The following FCRL3 variants were observed in gnomAD, a reference collection of about 807,000 sequenced individuals.
FCRL3 encodes Fc receptor-like protein 3.
FCRL3 carries 89 observed loss-of-function variants against 75.0 expected under a neutral mutation model. The ratio of observed to expected loss-of-function variants is 1.19; its 90% CI spans 1.00 to 1.42. The LOEUF is 1.42. Ranked by LOEUF, FCRL3 falls within the 40% of genes most tolerant of loss-of-function variation. FCRL3 has a pLI of 0.00. For missense variants in FCRL3, 946 were observed against 880.0 expected (o/e 1.07, Z -0.95); for synonymous variants, 376 against 348.5 (o/e 1.08, Z -0.88).
At position 157,699,730 on chromosome 1, in the gene FCRL3, A is replaced by G. The variant is rs1656191052; in HGVS notation, c.32-18T>C. 1.2e-6 allele frequency: 2 copies of G among 1,613,056 alleles called. No homozygotes were observed. Among genetic ancestry groups the G allele is most frequent in the Non-Finnish European group, 1.7e-6 (2 of 1,179,576 alleles). On this transcript the variant is annotated intron_variant, in intron 2 of 14. Coordinates refer to ENST00000368184, the MANE Select transcript of FCRL3 (RefSeq NM_052939.4). ...TCCAGGAGCTGTGAGGGAGCAGAAA[A>G]TGACAATCAGACACTCTCCGAAACA...
At position 157,689,809 on chromosome 1, in the gene FCRL3, C is replaced by T. The variant is rs199966528; in HGVS notation, c.1799G>A (p.Arg600Gln). ...ACCTAGACACCCACCTGGTTTCCTT[C>T]GGGCCCTGGCGTAATGCAGCAGAGC... The part of the protein sequence containing the change: ...AAALLHYARA[R>Q]RKPGGLSATG... The change falls in exon 10 of 15, where the codon CGA becomes CAA. Residue 600 changes from arginine (R) to glutamine (Q), a missense_variant. Transcript: ENST00000368184. 25 of 1,614,126 alleles carry T rather than the reference C, an allele frequency of 1.5e-5. No individual in the cohort carries two copies. Among genetic ancestry groups the T allele is most frequent in the Middle Eastern group, 3.3e-4 (2 of 6,062 alleles).
At chr1:157,679,750 A>G (rs1009463151) in intron 13 of FCRL3, among the ~76,000 whole-genome samples, 1 of 139,418 alleles carries the variant, frequency 7.2e-6, no homozygotes, top group Admixed American at 7.9e-5. Context: ...AATCCCTTGA[A>G]CCCAGGAGGC....
At position 157,696,255 on chromosome 1, in the gene FCRL3, A is replaced by G. The variant is rs757375284; in HGVS notation, c.917T>C (p.Val306Ala). ...ACCCTGGGCTACTGAGCAAATAAGG[A>G]CCATATTTTCTCCTTCAATCAGCTG... is the stretch of plus-strand genomic sequence containing the variant. ...GGQLIEGENMVLICSVAQGSG... is the reference protein window; with the variant it reads ...GGQLIEGENMALICSVAQGSG... The change falls in exon 7 of 15, where the codon GTC (valine) becomes GCC (alanine). Residue 306 changes from valine (V) to alanine (A), a missense_variant. Val to Ala is a moderately conservative substitution (Grantham distance 64). Coordinates refer to ENST00000368184, the MANE Select transcript of FCRL3 (RefSeq NM_052939.4). The G allele has an allele frequency of 9.9e-6, 16 of 1,613,946 alleles. No homozygotes were observed. The highest frequency in any genetic ancestry group is 1.3e-5 in the Non-Finnish European group (15 of 1,179,992).
chr1:157,691,198 A>G (rs1164111595), intron 8 of FCRL3, among the ~76,000 whole-genome samples: 1 of 152,240 alleles, frequency 6.6e-6, no homozygotes, highest in Admixed American at 6.5e-5. Context: ...AAACTGTCAA[A>G]AAAAATCCAG....
Position 157,690,715 on chromosome 1 carries a change from T to G in FCRL3, c.1412-182A>C, listed in dbSNP as rs1024766474. On this transcript the variant is annotated intron_variant, in intron 8 of 14. Coordinates refer to ENST00000368184, the MANE Select transcript of FCRL3 (RefSeq NM_052939.4). ...TAAGCTTGATTTTTTAAGAACTTTT[T>G]AATTTCTCTAAGTCTTAGTTTATTC... 2.6e-5 allele frequency among the ~76,000 whole-genome samples: 4 copies of G among 152,218 alleles called. No individual in the cohort carries two copies. In the East Asian group the frequency reaches 7.7e-4, roughly 29 times the overall value.
At chr1:157,679,830 C>CAAAAAAAAAAATAAAAA (rs1654718138) in intron 13 of FCRL3, among the ~76,000 whole-genome samples, 1 of 49,904 alleles carries the variant, frequency 2.0e-5, no homozygotes, top group African/African-American at 9.1e-5. Context: ...CCCCATCTCA[C>CAAAAAAAAAAATAAAAA]AAAAAAAAAA....
chr1:157,686,778 A>G (rs1571199317), intron 10 of FCRL3, among the ~76,000 whole-genome samples: 1 of 152,268 alleles, frequency 6.6e-6, no homozygotes, highest in South Asian at 2.1e-4. Context: ...CACCATATAC[A>G]AAACTTAATT....
intron 13 of FCRL3, among the ~76,000 whole-genome samples, chr1:157,679,758 G>A (rs560872339): frequency 7.1e-6 from 1 of 140,304 alleles, no homozygotes; most frequent in South Asian, 2.2e-4. Flanking sequence ...GAACCCAGGA[G>A]GCAGAAGTTG....
chr1:157,695,870 G>T, intron 7 of FCRL3, 170 bp downstream of exon 7: 1 of 709,256 alleles, frequency 1.4e-6, no homozygotes, highest in South Asian at 2.1e-5. Context: ...TCCATTTCTT[G>T]GATAGCTTTT....
intron 3 of FCRL3, among the ~76,000 whole-genome samples, chr1:157,699,084 C>T (rs928829328): frequency 2.6e-5 from 4 of 152,174 alleles, no homozygotes; most frequent in Non-Finnish European, 5.9e-5. Flanking sequence ...ACTTGTATTA[C>T]TTTTATATCT....
Position 157,698,412 on chromosome 1 carries a change from A to G in FCRL3, c.270T>C (p.Ser90=). Residue 90 remains serine (S), a synonymous_variant, in exon 4 of 15, where the codon AGT becomes AGC. Transcript: ENST00000368184. ...YQCKTRGSSL[S]DAVHVEFSPD... is the part of the protein sequence containing the mutation. ...GTGAAAATTCCACATGCACGGCATC[A>G]CTGAGGGAGGATCCTCGGGTCTTAC... The G allele has an allele frequency of 6.2e-7, 1 of 1,614,196 alleles. No individual in the cohort carries two copies. Among genetic ancestry groups the G allele is most frequent in the Non-Finnish European group, 8.5e-7 (1 of 1,180,022 alleles).
chr1:157,688,938 T>C (rs1469998190), intron 10 of FCRL3, among the ~76,000 whole-genome samples: 2 of 152,144 alleles, frequency 1.3e-5, no homozygotes, highest in African/African-American at 4.8e-5. Context: ...TCTCAATAAA[T>C]GTAGAAAAAT....
At position 157,698,057 on chromosome 1, in the gene FCRL3, A is replaced by C. The variant is rs1656071445; in HGVS notation, c.299-138T>G. ...CACCCACATTGCCATGTGGCCCCAA[A>C]TACCTGATTCTTCCTTGCCCTACAA... On this transcript the variant is annotated intron_variant, in intron 4 of 14. Coordinates refer to ENST00000368184, the MANE Select transcript of FCRL3 (RefSeq NM_052939.4). 5 of 961,626 alleles carry C rather than the reference A, an allele frequency of 5.2e-6. No individual in the cohort carries two copies. In the East Asian group the frequency reaches 7.9e-5, roughly 15 times the overall value. The allele number at this position is 961,626 out of a possible 1,614,324, so 59.6% of individuals were successfully genotyped here. A position where few individuals can be genotyped will look rare whatever the true frequency, so the allele number is the denominator to read the frequency against.
chr1:157,693,807 G>T (rs1655721897), intron 8 of FCRL3, among the ~76,000 whole-genome samples: 1 of 150,792 alleles, frequency 6.6e-6, no homozygotes, highest in Admixed American at 6.6e-5. Flanking sequence ...GAGTGCAGTT[G>T]TGCAATCTTG....
chr1:157,678,004 G>A lies in FCRL3; in HGVS notation c.*706C>T. ...TAGAAATCTATCATGTATGGCAAAT[G>A]ATGAGACTATGTCATGAAGCAAAAA... On this transcript the variant is annotated 3_prime_UTR_variant, in exon 15 of 15. Transcript: ENST00000368184. 1.0e-6 allele frequency: 1 copy of A among 985,366 alleles called. No homozygotes were observed. The highest frequency in any genetic ancestry group is 1.2e-6 in the Non-Finnish European group (1 of 829,904). 61.0% of individuals were successfully genotyped at this position (985,366 alleles called of 1,614,324 possible).
rs1303652301 is a variant in FCRL3, at chr1:157,690,350, A to C, written c.1595T>G (p.Leu532Arg). Reference protein sequence around the residue: ...AHSGGGASFNLSLTTEHSGNY... With the variant: ...AHSGGGASFNRSLTTEHSGNY... The stretch of plus-strand genomic sequence containing the variant: ...TCCAGAATGTTCTGTAGTCAGAGAG[A>C]GGTTGAAGGATGCCCCTCCTCCAGA... The change falls in exon 9 of 15, where the codon CTC becomes CGC. Residue 532 changes from leucine to arginine, a missense_variant. Physicochemically the swap from Leu to Arg is moderately radical, Grantham distance 102 (BLOSUM62 -2). Coordinates refer to ENST00000368184, the MANE Select transcript of FCRL3 (RefSeq NM_052939.4). 2 of 1,614,174 alleles carry C rather than the reference A, an allele frequency of 1.2e-6. No individual in the cohort carries two copies. The highest frequency in any genetic ancestry group is 1.1e-5 in the South Asian group (1 of 91,084).
In FCRL3 at chr1:157,699,692, C is replaced by G. The variant is rs377013672; in HGVS notation, c.52G>C (p.Gly18Arg). The G allele has an allele frequency of 9.9e-6, 16 of 1,613,420 alleles. No individual in the cohort carries two copies. Among genetic ancestry groups the G allele is most frequent in the Non-Finnish European group, 1.4e-5 (16 of 1,179,790 alleles). ...GGGGCAGAGAGAAGGAGAAACTTAC[C>G]TGATTGTTCTCTTCCAGGAGCTGTG... is the stretch of plus-strand genomic sequence containing the variant. ...LILTPGREQS[G>R]VAPKAVLLLN... The change falls in exon 3 of 15, where the codon GGG (glycine) becomes CGG (arginine). Residue 18 changes from glycine (G) to arginine (R), a missense_variant and splice_region_variant. Transcript: ENST00000368184.
At chr1:157,699,606 C>A (rs546304320) in intron 3 of FCRL3, 86 bp downstream of exon 3, 1 of 1,399,514 alleles carries the variant, frequency 7.1e-7, no homozygotes, top group Admixed American at 1.8e-5. Context: ...TGATGGGATG[C>A]GTGCCTGCAA....
chr1:157,686,072 C>G (rs1655158535), intron 10 of FCRL3, among the ~76,000 whole-genome samples: 1 of 151,862 alleles, frequency 6.6e-6, no homozygotes, highest in Non-Finnish European at 1.5e-5. Context: ...CTTGAAAGCC[C>G]TCAAGACTCT....
Sources: allele counts gnomAD v4.1 joint callset (sites outside exome capture counted in the v4.1 genomes callset), GRCh38; gene constraint gnomAD v4.1.1; transcripts MANE v1.5; gene names NCBI Gene and HGNC (gene_info 2026-07-23, HGNC 2026-07-21).